Variants in OLFM2 observed in about 807,000 individuals in gnomAD.
OLFM2 encodes the protein olfactomedin 2.
Under a neutral mutation model 43.9 loss-of-function variants are expected in OLFM2, and 20 were observed. The ratio of observed to expected loss-of-function variants is 0.46; its 90% confidence interval spans 0.32 to 0.66. OLFM2 has a LOEUF of 0.66. Among genes scored for constraint, OLFM2 ranks in the 30% least tolerant of loss-of-function variants. The probability of loss-of-function intolerance (pLI) is 0.04; values close to 1 mark genes in which losing one functional copy is unlikely to be tolerated. For synonymous variants in OLFM2, 268 were observed against 278.6 expected, an observed-to-expected ratio of 0.96 and a Z score of 0.38; for missense variants, 416 against 643.6, an observed-to-expected ratio of 0.65 and a Z score of 3.83.
intron 1 of OLFM2, among the ~76,000 whole-genome samples, chr19:9,886,517 T>C (rs1013502336): frequency 6.6e-6 from 1 of 151,976 alleles, no homozygotes; most frequent in African/African-American, 2.4e-5. Flanking sequence ...TATGTCAGTG[T>C]CCCTTCAGGT....
rs1465203209 is a variant in OLFM2, at chr19:9,857,224, G to A, written c.580+39C>T. 1 of 1,576,914 alleles carries A rather than the reference G, an allele frequency of 6.3e-7. No individual in the cohort carries two copies. Among genetic ancestry groups the A allele is most frequent in the Non-Finnish European group, 8.7e-7 (1 of 1,148,790 alleles). On this transcript the variant is annotated intron_variant, in intron 4 of 5. Transcript: ENST00000264833. The surrounding 1 kb of genome is among the most constrained non-coding windows in gnomAD (Gnocchi z 5.7). ...GGTGATACTGGAGTTGGGTGTGGCAGTCAGAGATCAGGGGTCAGGGTCAAG... is the reference window on the plus strand; with the variant it reads ...GGTGATACTGGAGTTGGGTGTGGCAATCAGAGATCAGGGGTCAGGGTCAAG...
Position 9,936,307 on chromosome 19 carries a change from T to C in OLFM2, c.60A>G (p.Gly20=). The change falls in exon 1 of 6, where the codon GGA becomes GGG. Residue 20 remains glycine, a synonymous_variant. Coordinates refer to ENST00000264833, the MANE Select transcript of OLFM2 (RefSeq NM_058164.4). Reference sequence around the variant, plus strand: ...CACCTGCCCGCCGGGCCCCTACCTGTCCGGCCAGGCCTGAGCACAGCAGCA... The same window carrying C: ...CACCTGCCCGCCGGGCCCCTACCTGCCCGGCCAGGCCTGAGCACAGCAGCA... The part of the protein sequence containing the change: ...LLLLLCSGLA[G]QTLFQNPEEG... 1 of 1,525,922 alleles carries C rather than the reference T, an allele frequency of 6.6e-7. No homozygotes were observed. The highest frequency in any genetic ancestry group is 2.0e-5 in the Admixed American group (1 of 50,668). 94.5% of individuals were successfully genotyped at this position (1,525,922 alleles called of 1,614,324 possible).
chr19:9,860,838 C>T, intron 1 of OLFM2, 44 bp from the exon 2 acceptor site: 1 of 1,567,736 alleles, frequency 6.4e-7, no homozygotes, highest in Non-Finnish European at 8.6e-7. Flanking sequence ...CAGTGAGGGT[C>T]TCGCCTCGCC....
chr19:9,936,189 G>A, intron 1 of OLFM2, 115 bp downstream of exon 1: 1 of 1,127,666 alleles, frequency 8.9e-7, no homozygotes, highest in Non-Finnish European at 1.2e-6. Flanking sequence ...GCCCCTCGCC[G>A]CCCTGCAGCT....
chr19:9,854,516 G>A lies in OLFM2; in HGVS notation c.1035C>T (p.Ile345=), dbSNP rs773669664. Residue 345 remains isoleucine (I), a synonymous_variant, in exon 6 of 6, where the codon ATC becomes ATT. Transcript: ENST00000264833. This position sits in a 1 kb window ranked among gnomAD's most constrained non-coding sequence, Gnocchi z 9.5. ...VYTTNQNAGN[I]VVSRLDPHTL... ...TGTGCGGGTCCAGCCGGCTGACCAC[G>A]ATGTTGCCCGCGTTCTGGTTGGTGG... 15 of 1,613,738 alleles carry A rather than the reference G, an allele frequency of 9.3e-6. No individual in the cohort carries two copies. Among genetic ancestry groups the A allele is most frequent in the East Asian group, 2.2e-5 (1 of 44,890 alleles).
At chr19:9,896,763 T>C (rs920224658) in intron 1 of OLFM2, among the ~76,000 whole-genome samples, 3 of 152,224 alleles carry the variant, frequency 2.0e-5, no homozygotes, top group Admixed American at 6.5e-5. Context: ...CTCAAAGCTG[T>C]TAATCACAGC....
chr19:9,889,076 AAAC>A (rs1247229326), intron 1 of OLFM2, among the ~76,000 whole-genome samples: 2 of 151,766 alleles, frequency 1.3e-5, no homozygotes, highest in Non-Finnish European at 2.9e-5. Flanking sequence ...AAAAAAAAAA[AAAC>A]AATTCTGCAC....
chr19:9,857,185 T>A lies in OLFM2; in HGVS notation c.580+78A>T. 7.3e-7 allele frequency: 1 copy of A among 1,372,574 alleles called. No homozygotes were observed. 85.0% of individuals were successfully genotyped at this position (1,372,574 alleles called of 1,614,324 possible). On this transcript the variant is annotated intron_variant, in intron 4 of 5. Coordinates refer to ENST00000264833, the MANE Select transcript of OLFM2 (RefSeq NM_058164.4). This position sits in a 1 kb window ranked among gnomAD's most constrained non-coding sequence, Gnocchi z 5.7. ...TTAGAGGTCAAAACTGTGTCCAGCT[T>A]CTAGGCACAAACAGGTGATACTGGA... is the stretch of plus-strand genomic sequence containing the variant.
At chr19:9,865,817 T>TA (rs35276534) in intron 1 of OLFM2, among the ~76,000 whole-genome samples, 1,904 of 124,074 alleles carry the variant, frequency 0.015, 28 homozygotes, top group African/African-American at 0.037. Context: ...ATCTCATTCT[T>TA]AAAAAAAAAA....
intron 1 of OLFM2, among the ~76,000 whole-genome samples, chr19:9,873,714 C>T (rs1415141303): frequency 6.6e-6 from 1 of 151,964 alleles, no homozygotes; most frequent in Non-Finnish European, 1.5e-5. Context: ...ACTGCAGCCT[C>T]AACCTCCCAG....
At chr19:9,865,485 CT>C (rs71188847) in intron 1 of OLFM2, among the ~76,000 whole-genome samples, 101 of 73,636 alleles carry the variant, frequency 1.4e-3, no homozygotes, top group East Asian at 5.3e-3. Context: ...TCTGTTTTTT[CT>C]TTTTTTTTTT....
intron 1 of OLFM2, among the ~76,000 whole-genome samples, chr19:9,880,539 G>A (rs539883203): frequency 1.6e-4 from 24 of 152,222 alleles, no homozygotes; most frequent in African/African-American, 5.3e-4. Context: ...TGAGGTTGCA[G>A]TGAGCTGTGA....
At chr19:9,936,194 G>T in intron 1 of OLFM2, 110 bp downstream of exon 1, 1 of 1,229,900 alleles carries the variant, frequency 8.1e-7, no homozygotes, top group Non-Finnish European at 1.1e-6. Context: ...TCGCCGCCCT[G>T]CAGCTGGGGG....
At chr19:9,888,530 A>AAC (rs1305472069) in intron 1 of OLFM2, among the ~76,000 whole-genome samples, 1 of 150,738 alleles carries the variant, frequency 6.6e-6, no homozygotes, top group Non-Finnish European at 1.5e-5. Context: ...TCAAAAAAAA[A>AAC]AAACAAAAAA....
At chr19:9,868,787 A>T (rs1234740630) in intron 1 of OLFM2, among the ~76,000 whole-genome samples, 1 of 151,872 alleles carries the variant, frequency 6.6e-6, no homozygotes, top group Non-Finnish European at 1.5e-5. Flanking sequence ...CAAAAAATTT[A>T]AAAATTAGCA....
At chr19:9,894,152 C>T (rs966760961) in intron 1 of OLFM2, among the ~76,000 whole-genome samples, 1 of 151,818 alleles carries the variant, frequency 6.6e-6, no homozygotes, top group Non-Finnish European at 1.5e-5. Flanking sequence ...AATTAGCCGG[C>T]CGTGGTGGCG....
At chr19:9,864,581 G>A (rs563469257) in intron 1 of OLFM2, among the ~76,000 whole-genome samples, 9 of 152,116 alleles carry the variant, frequency 5.9e-5, no homozygotes, top group Admixed American at 3.9e-4. Flanking sequence ...GATTGCAGGC[G>A]AGAGCCATTG....
At chr19:9,863,038 G>A (rs1291194417) in intron 1 of OLFM2, among the ~76,000 whole-genome samples, 1 of 151,746 alleles carries the variant, frequency 6.6e-6, no homozygotes, top group Admixed American at 6.6e-5. Flanking sequence ...GGGGTGACTG[G>A]CTTGGGCTTG....
At chr19:9,913,367 G>T in intron 1 of OLFM2, 1 of 522,944 alleles carries the variant, frequency 1.9e-6, no homozygotes, top group South Asian at 8.3e-5. Context: ...GCAGGGTCGT[G>T]GGAAGCACAG....
Sources: gnomAD v4.1 joint callset for allele counts (sites outside exome capture counted in the v4.1 genomes callset) on GRCh38, gnomAD v4.1.1 for gene constraint, Gnocchi (gnomAD v3.1) non-coding constraint, MANE v1.5 for transcripts, NCBI Gene and HGNC (gene_info 2026-07-23, HGNC 2026-07-21) for gene names.